Variants in CARD9 observed in about 807,000 individuals in gnomAD.
CARD9 encodes the protein caspase recruitment domain-containing protein 9.
A neutral mutation model predicts 66.0 loss-of-function variants in CARD9; 53 were observed. The ratio of observed to expected loss-of-function variants is 0.80; its 90% CI spans 0.64 to 1.01. CARD9 has a LOEUF of 1.01. Ranked by LOEUF, CARD9 falls within the 50% of genes least tolerant of loss-of-function variation. The pLI is 0.00. For missense variants in CARD9, 769 were observed against 743.2 expected (o/e 1.03, Z -0.40); for synonymous variants, 387 against 313.8 (o/e 1.23, Z -2.47).
rs1402033130 is a variant in CARD9, at chr9:136,373,587, G to A, written c.-72C>T. The A allele has an allele frequency of 2.0e-5, 20 of 984,674 alleles. No individual in the cohort carries two copies. Among genetic ancestry groups the A allele is most frequent in the South Asian group, 1.9e-4 (4 of 21,292 alleles). The allele number at this position is 984,674 out of a possible 1,614,324, so 61.0% of individuals were successfully genotyped here. On this transcript the variant is annotated 5_prime_UTR_variant, in exon 1 of 13. Coordinates refer to ENST00000371732, the MANE Select transcript of CARD9 (RefSeq NM_052813.5). ...CAGACACACCAGGAGCCTGGGCCGC[G>A]GAGCCTCTGGGAGATGCTGCCCGGG...
chr9:136,370,882 T>G lies in CARD9; in HGVS notation c.586A>C (p.Lys196Gln). 6.2e-7 allele frequency: 1 copy of G among 1,606,268 alleles called. No homozygotes were observed. The highest frequency in any genetic ancestry group is 1.1e-5 in the South Asian group (1 of 90,912). ...CGGTTCCGCATGAGCGCGGCGCCCT[T>G]CTCCTCACTCTGGTGCGCCAGGCGC... ...AMRLAHQSEE[K>Q]GAALMRNRDL... The change falls in exon 4 of 13, where the codon AAG (lysine) becomes CAG (glutamine). Residue 196 changes from lysine to glutamine, a missense_variant. Coordinates refer to ENST00000371732, the MANE Select transcript of CARD9 (RefSeq NM_052813.5).
chr9:136,368,955 G>A (rs1833191489), intron 7 of CARD9, among the ~76,000 whole-genome samples: 1 of 152,192 alleles, frequency 6.6e-6, no homozygotes, highest in African/African-American at 2.4e-5. Flanking sequence ...GAGTAGCTGG[G>A]ATTACAGGCG....
chr9:136,364,623 G>GC (rs1833072749), intron 11 of CARD9, 64 bp from the exon 12 acceptor site: 1 of 1,460,046 alleles, frequency 6.8e-7, no homozygotes, highest in Non-Finnish European at 9.2e-7. Context: ...CTTCTCACCC[G>GC]CCCCCCACTG....
chr9:136,371,439 C>A lies in CARD9; in HGVS notation c.207G>T (p.Gln69His), dbSNP rs1045323623. ...CCACGTAGCCCTTGTGGCCGGTCCG[C>A]TGCAGGATGTCCAGGAGCACACCTG... ...RKVGVLLDIL[Q>H]RTGHKGYVAF... Residue 69 changes from glutamine to histidine, a missense_variant, in exon 3 of 13, where the codon CAG becomes CAT. Transcript: ENST00000371732. 8 of 1,580,686 alleles carry A rather than the reference C, an allele frequency of 5.1e-6. No homozygotes were observed. The highest frequency in any genetic ancestry group is 6.9e-6 in the Non-Finnish European group (8 of 1,162,788).
At position 136,370,623 on chromosome 9, in the gene CARD9, G is replaced by T; in HGVS notation, c.706C>A (p.His236Asn). Reference sequence around the variant, plus strand: ...TGGCTGGGCCGCTGCTCCATGGCGTGCCTGAGCTTCAGCGTGTGCTTGCGC... The same window carrying T: ...TGGCTGGGCCGCTGCTCCATGGCGTTCCTGAGCTTCAGCGTGTGCTTGCGC... ...VERKHTLKLR[H>N]AMEQRPSQEL... Residue 236 changes from histidine to asparagine, a missense_variant, in exon 5 of 13, where the codon CAC becomes AAC. Transcript: ENST00000371732. The T allele has an allele frequency of 6.2e-7, 1 of 1,612,740 alleles. No homozygotes were observed. The highest frequency in any genetic ancestry group is 8.5e-7 in the Non-Finnish European group (1 of 1,179,910).
At position 136,364,107 on chromosome 9, in the gene CARD9, C is replaced by G. The variant is rs1260356114; in HGVS notation, c.*195G>C. Reference sequence around the variant, plus strand: ...GGGGTGGTGAGCACCCGCATGGCCTCCGCAAAATGAGTGCCGCTTAACAAA... The same window carrying G: ...GGGGTGGTGAGCACCCGCATGGCCTGCGCAAAATGAGTGCCGCTTAACAAA... On this transcript the variant is annotated 3_prime_UTR_variant, in exon 13 of 13. Transcript: ENST00000371732. 2.6e-6 allele frequency: 4 copies of G among 1,550,524 alleles called. No individual in the cohort carries two copies. The highest frequency in any genetic ancestry group is 2.7e-5 in the African/African-American group (2 of 73,188).
At chr9:136,367,445 C>G (rs1436258975) in intron 8 of CARD9, 188 bp from the exon 9 acceptor site, 1 of 928,852 alleles carries the variant, frequency 1.1e-6, no homozygotes, top group South Asian at 1.6e-5. Context: ...CACCCCGGCC[C>G]TGCAGCCCCA....
chr9:136,370,272 G>A, intron 6 of CARD9, 22 bp downstream of exon 6: 2 of 1,593,310 alleles, frequency 1.3e-6, no homozygotes, highest in Non-Finnish European at 1.7e-6. Flanking sequence ...CAGGGGCCAT[G>A]TCTCCCCGCC....
At chr9:136,368,512 G>T (rs1833181089) in intron 7 of CARD9, among the ~76,000 whole-genome samples, 1 of 152,236 alleles carries the variant, frequency 6.6e-6, no homozygotes, top group African/African-American at 2.4e-5. Context: ...TGGGGGCCGG[G>T]GCTTCCTTTG....
At chr9:136,372,390 G>A (rs748334742) in intron 1 of CARD9, among the ~76,000 whole-genome samples, 4 of 152,194 alleles carry the variant, frequency 2.6e-5, no homozygotes, top group African/African-American at 4.8e-5. Flanking sequence ...GATACGCAGC[G>A]GGGGAGGCAC....
At chr9:136,367,566 G>A in intron 8 of CARD9, 71 bp downstream of exon 8, 1 of 1,485,804 alleles carries the variant, frequency 6.7e-7, no homozygotes, top group Non-Finnish European at 9.0e-7. Context: ...GGCCGGGGCT[G>A]AGGCTCCGTG....
chr9:136,366,665 C>G, intron 10 of CARD9, 135 bp downstream of exon 10: 3 of 947,176 alleles, frequency 3.2e-6, no homozygotes, highest in South Asian at 2.7e-5. Context: ...TTATCCCCAG[C>G]CCCAGTTTCC....
intron 8 of CARD9, 88 bp downstream of exon 8, chr9:136,367,549 T>C (rs754828452): frequency 1.7e-5 from 24 of 1,445,418 alleles, no homozygotes; most frequent in Non-Finnish European, 2.1e-5. Context: ...AAGGGTTGGG[T>C]CGGGAAGGCC....
rs1833052229 is a variant in CARD9 at position 136,364,098 on chromosome 9, G to A, written c.*204C>T. 3 of 1,550,400 alleles carry A rather than the reference G, an allele frequency of 1.9e-6. No individual in the cohort carries two copies. Among genetic ancestry groups the A allele is most frequent in the South Asian group, 1.2e-5 (1 of 84,060 alleles). ...GTGTGCATGGGGGTGGTGAGCACCC[G>A]CATGGCCTCCGCAAAATGAGTGCCG... On this transcript the variant is annotated 3_prime_UTR_variant, in exon 13 of 13. Transcript: ENST00000371732.
At chr9:136,369,338 AATAG>A (rs1317000845) in intron 7 of CARD9, among the ~76,000 whole-genome samples, 4 of 152,246 alleles carry the variant, frequency 2.6e-5, no homozygotes, top group Admixed American at 6.5e-5. Context: ...CAAATATATA[AATAG>A]ATAGATAGGT....
At chr9:136,369,981 G>T in intron 6 of CARD9, 106 bp from the exon 7 acceptor site, 1 of 1,559,898 alleles carries the variant, frequency 6.4e-7, no homozygotes. Flanking sequence ...GGCCAGTTGG[G>T]ATGTCGGGGG....
chr9:136,367,739 GC>G lies in CARD9; in HGVS notation c.1166del (p.Gly389AlafsTer35). 1.2e-6 allele frequency: 2 copies of G among 1,605,494 alleles called. No individual in the cohort carries two copies. The highest frequency in any genetic ancestry group is 1.7e-6 in the Non-Finnish European group (2 of 1,179,478). ...DALRKQVREL[G>X]EKADELQLQV... ...GCAGCTGCAGCTCATCCGCCTTCTCGCCCAGCTCCCGCACCTGCTTGCGCAG... is the reference window on the plus strand; with the variant it reads ...GCAGCTGCAGCTCATCCGCCTTCTCGCCAGCTCCCGCACCTGCTTGCGCAG... On this transcript the variant is annotated frameshift_variant, in exon 8 of 13. Coordinates refer to ENST00000371732, the MANE Select transcript of CARD9 (RefSeq NM_052813.5). LOFTEE classifies it high-confidence loss of function.
Position 136,370,677 on chromosome 9 carries a change from T to A in CARD9, c.652A>T (p.Met218Leu). The A allele has an allele frequency of 6.2e-7, 1 of 1,612,700 alleles. No individual in the cohort carries two copies. The highest frequency in any genetic ancestry group is 2.2e-5 in the East Asian group (1 of 44,874). ...ACCTTGCAGTCGTCCTCGGCCTTCA[T>A]GAGGCTGTGCTTGAGCTGGTCAATC... ...LEIDQLKHSL[M>L]KAEDDCKVER... is the part of the protein sequence containing the mutation. The change falls in exon 5 of 13, where the codon ATG (methionine) becomes TTG (leucine). Residue 218 changes from methionine (M) to leucine (L), a missense_variant. By Grantham distance (15) the Met-to-Leu change is conservative. Transcript: ENST00000371732.
intron 7 of CARD9, 75 bp downstream of exon 7, chr9:136,369,675 C>G (rs1429970397): frequency 6.5e-7 from 1 of 1,538,062 alleles, no homozygotes; most frequent in African/African-American, 1.4e-5. Flanking sequence ...CCTCTGACAA[C>G]TGCCCTCAAG....
Sources: allele counts gnomAD v4.1 joint callset (sites outside exome capture counted in the v4.1 genomes callset), GRCh38; gene constraint gnomAD v4.1.1; transcripts MANE v1.5; gene names NCBI Gene and HGNC (gene_info 2026-07-23, HGNC 2026-07-21).